The following RABGAP1L variants were observed in gnomAD, a reference collection of about 807,000 sequenced individuals.
The protein encoded by RABGAP1L is RAB GTPase activating protein 1 like, also known as rab GTPase-activating protein 1-like.
Under a neutral mutation model 137.7 loss-of-function variants are expected in RABGAP1L, and 63 were observed. The ratio of observed to expected loss-of-function variants is 0.46; its 90% CI spans 0.37 to 0.56. RABGAP1L has a LOEUF of 0.56. RABGAP1L is among the 20% of genes least tolerant of loss of function. The probability of loss-of-function intolerance (pLI) is 0.00; values close to 1 mark genes in which losing one functional copy is unlikely to be tolerated. For missense variants in RABGAP1L, 1,095 were observed against 1,244.0 expected (o/e 0.88, Z 1.80); for synonymous variants, 431 against 433.7 (o/e 0.99, Z 0.08).
At chr1:174,937,099 C>T (rs1664944313) in intron 19 of RABGAP1L, among the ~76,000 whole-genome samples, 1 of 149,448 alleles carries the variant, frequency 6.7e-6, no homozygotes, top group African/African-American at 2.5e-5. Context: ...CTGCCTCAGC[C>T]TCCTGAGCAG....
At chr1:174,512,559 A>G (rs1662448622) in intron 13 of RABGAP1L, among the ~76,000 whole-genome samples, 1 of 152,226 alleles carries the variant, frequency 6.6e-6, no homozygotes, top group Non-Finnish European at 1.5e-5. Flanking sequence ...TAAAGGGGAC[A>G]ACTGAAATGT....
chr1:174,988,381 G>T (rs1260275222), intron 24 of RABGAP1L, among the ~76,000 whole-genome samples: 1 of 152,122 alleles, frequency 6.6e-6, no homozygotes, highest in African/African-American at 2.4e-5. Flanking sequence ...AAAATTTCTA[G>T]AACAGATTTC....
intron 16 of RABGAP1L, chr1:174,701,061 G>C: frequency 7.7e-7 from 1 of 1,303,004 alleles, no homozygotes; most frequent in Admixed American, 2.3e-5. Context: ...TGTAGTTCAA[G>C]AAATGGCTTA....
chr1:174,582,594 G>A (rs1447798958), intron 13 of RABGAP1L, among the ~76,000 whole-genome samples: 1 of 152,104 alleles, frequency 6.6e-6, no homozygotes, highest in Non-Finnish European at 1.5e-5. Flanking sequence ...AGAGAGAGAT[G>A]GAGGGAATGT....
intron 10 of RABGAP1L, 91 bp downstream of exon 10, chr1:174,278,870 A>G (rs1675242976): frequency 9.1e-7 from 1 of 1,098,150 alleles, no homozygotes; most frequent in East Asian, 2.8e-5. Context: ...TGAAGTTGCA[A>G]AACAATACAA....
At chr1:174,502,415 C>G (rs1404817289) in intron 13 of RABGAP1L, among the ~76,000 whole-genome samples, 1 of 151,232 alleles carries the variant, frequency 6.6e-6, no homozygotes, top group Non-Finnish European at 1.5e-5. Context: ...ATTTTTAGTT[C>G]TTTTAGTTCT....
intron 13 of RABGAP1L, among the ~76,000 whole-genome samples, chr1:174,565,604 G>A (rs1667523186): frequency 6.6e-6 from 1 of 152,044 alleles, no homozygotes; most frequent in Admixed American, 6.6e-5. Context: ...ATATTTATAA[G>A]GTTTTCACTG....
intron 12 of RABGAP1L, among the ~76,000 whole-genome samples, chr1:174,379,146 A>C (rs1457023436): frequency 2.0e-5 from 3 of 148,216 alleles, no homozygotes; most frequent in African/African-American, 7.6e-5. Context: ...ATTGATCTAT[A>C]TCTCTGTTTT....
chr1:174,198,788 G>A lies in RABGAP1L; in HGVS notation c.-33-20337G>A, dbSNP rs556733792. 2.6e-3 allele frequency among the ~76,000 whole-genome samples: 391 copies of A among 152,188 alleles called. 1 individual carries two copies. The highest frequency in any genetic ancestry group is 4.6e-3 in the South Asian group (22 of 4,814). On this transcript the variant is annotated intron_variant, in intron 1 of 25. Transcript: ENST00000681986. The stretch of plus-strand genomic sequence containing the variant: ...TAGCAGGTGTCTTGGCTTGTGAGGC[G>A]CCCCCTCCAGCATTAATGGGAAAAG...
intron 13 of RABGAP1L, among the ~76,000 whole-genome samples, chr1:174,589,856 C>T (rs894943925): frequency 2.0e-5 from 3 of 152,128 alleles, no homozygotes; most frequent in Non-Finnish European, 4.4e-5. Flanking sequence ...GTTTTGGTTG[C>T]AGTAGCTCTG....
chr1:174,952,712 C>T (rs889772235), intron 19 of RABGAP1L, among the ~76,000 whole-genome samples: 2 of 152,092 alleles, frequency 1.3e-5, no homozygotes, highest in African/African-American at 2.4e-5. Context: ...ACCTCAGCCT[C>T]CCAAGTAGCT....
chr1:174,440,294 C>T (rs1397576696), intron 13 of RABGAP1L, among the ~76,000 whole-genome samples: 2 of 152,160 alleles, frequency 1.3e-5, no homozygotes, highest in East Asian at 3.8e-4. Context: ...ACAGAAGCAA[C>T]GCGATCTGGT....
At chr1:174,629,377 G>C (rs937982264) in intron 13 of RABGAP1L, among the ~76,000 whole-genome samples, 1 of 152,132 alleles carries the variant, frequency 6.6e-6, no homozygotes, top group Non-Finnish European at 1.5e-5. Context: ...ATATGAGATG[G>C]ATCAGTGACT....
intron 13 of RABGAP1L, among the ~76,000 whole-genome samples, chr1:174,548,974 AT>A (rs1169428430): frequency 4.6e-5 from 7 of 152,208 alleles, no homozygotes; most frequent in Non-Finnish European, 1.0e-4. Context: ...AGATTTAAAA[AT>A]TTAGTGGCCG....
chr1:174,944,645 A>T (rs1001323632), intron 19 of RABGAP1L, among the ~76,000 whole-genome samples: 6 of 60,804 alleles, frequency 9.9e-5, no homozygotes, highest in African/African-American at 2.6e-4. Context: ...TCAAAAAATT[A>T]AAAAAAAAAA....
intron 13 of RABGAP1L, among the ~76,000 whole-genome samples, chr1:174,629,654 C>T (rs1163278615): frequency 6.6e-6 from 1 of 152,060 alleles, no homozygotes. Context: ...TCCTGAGTAG[C>T]TGGGATTACA....
intron 18 of RABGAP1L, among the ~76,000 whole-genome samples, chr1:174,787,743 A>G (rs1400330259): frequency 1.3e-5 from 2 of 152,218 alleles, no homozygotes; most frequent in African/African-American, 4.8e-5. Context: ...AAAGACTGAA[A>G]TGTGAAGGTA....
intron 12 of RABGAP1L, among the ~76,000 whole-genome samples, chr1:174,392,145 C>T (rs537470706): frequency 3.2e-4 from 49 of 152,094 alleles, no homozygotes; most frequent in Non-Finnish European, 5.3e-4. Context: ...TTTAAAGCCA[C>T]GAGAGAAGTT....
In RABGAP1L at chr1:174,221,165, G is replaced by T. The variant is rs1558043241; in HGVS notation, c.331+1G>T. ...TTAATTTTGGATCCGTCTAACACAG[G>T]TACTGTATTGAATTCTTAGAAACTA... On this transcript the variant is annotated splice_donor_variant, in intron 3 of 25. Transcript: ENST00000681986. LOFTEE classifies it high-confidence loss of function. The T allele has an allele frequency of 6.4e-7, 1 of 1,556,854 alleles. No homozygotes were observed. Among genetic ancestry groups the T allele is most frequent in the Non-Finnish European group, 8.7e-7 (1 of 1,150,898 alleles).
Sources: allele counts gnomAD v4.1 joint callset (sites outside exome capture counted in the v4.1 genomes callset), GRCh38; gene constraint gnomAD v4.1.1; transcripts MANE v1.5; gene names NCBI Gene and HGNC (gene_info 2026-07-23, HGNC 2026-07-21).